The following NCOA5 variants were observed in gnomAD, a reference collection of about 807,000 sequenced individuals.
NCOA5 encodes nuclear receptor coactivator 5.
Under a neutral mutation model 59.0 loss-of-function variants are expected in NCOA5, and 12 were observed. The ratio of observed to expected loss-of-function variants is 0.20; its 90% CI spans 0.13 to 0.33. The LOEUF is 0.33. NCOA5 is among the 10% of genes least tolerant of loss of function. The pLI is 1.00. For missense variants in NCOA5, 655 were observed against 766.6 expected, an observed-to-expected ratio of 0.85 and a Z score of 1.72; for synonymous variants, 270 against 275.5, an observed-to-expected ratio of 0.98 and a Z score of 0.20.
intron 1 of NCOA5, among the ~76,000 whole-genome samples, chr20:46,080,806 T>TA (rs1004452141): frequency 4.3e-4 from 65 of 152,094 alleles, no homozygotes; most frequent in African/African-American, 1.2e-3. Context: ...CCTTCTATTT[T>TA]AAAAAAAACC....
chr20:46,066,407 A>T (rs2084823714), intron 5 of NCOA5, among the ~76,000 whole-genome samples: 2 of 152,160 alleles, frequency 1.3e-5, no homozygotes, highest in Admixed American at 6.5e-5. Flanking sequence ...AGTATTGGGC[A>T]TTTGGGTTGT....
chr20:46,079,692 TAAAC>T (rs749302506), intron 1 of NCOA5, among the ~76,000 whole-genome samples: 3 of 152,310 alleles, frequency 2.0e-5, no homozygotes, highest in Non-Finnish European at 4.4e-5. Context: ...TAATTTGTCT[TAAAC>T]TAATTACGTC....
chr20:46,080,304 T>C (rs1415453717), intron 1 of NCOA5, among the ~76,000 whole-genome samples: 1 of 152,130 alleles, frequency 6.6e-6, no homozygotes, highest in Non-Finnish European at 1.5e-5. Context: ...TACTAAGAAA[T>C]CTATGCCCCA....
At chr20:46,064,896 GTACTTAAGAGAGGGGCC>G in intron 6 of NCOA5, 116 bp downstream of exon 6, 2 of 802,990 alleles carry the variant, frequency 2.5e-6, no homozygotes. Context: ...CTCTTCCATG[GTACTTAAGAGAGGGGCC>G]CTACCATATA....
At chr20:46,084,649 T>C (rs2085027927) in intron 1 of NCOA5, among the ~76,000 whole-genome samples, 1 of 152,214 alleles carries the variant, frequency 6.6e-6, no homozygotes, top group South Asian at 2.1e-4. Flanking sequence ...GTCCTTACTT[T>C]GGGAAATTTA....
At chr20:46,078,694 T>C (rs2084963416) in intron 2 of NCOA5, among the ~76,000 whole-genome samples, 1 of 150,502 alleles carries the variant, frequency 6.6e-6, no homozygotes, top group African/African-American at 2.5e-5. Context: ...TTGGTGTAAA[T>C]GGTATCATTA....
At position 46,068,631 on chromosome 20, in the gene NCOA5, C is replaced by T. The variant is rs770077064; in HGVS notation, c.373G>A (p.Gly125Ser). 1 of 1,606,662 alleles carries T rather than the reference C, an allele frequency of 6.2e-7. No homozygotes were observed. The highest frequency in any genetic ancestry group is 1.3e-5 in the African/African-American group (1 of 74,404). Residue 125 changes from glycine (G) to serine (S), a missense_variant, in exon 4 of 8, where the codon GGC (glycine) becomes AGC (serine). Around this residue, in one of 3 missense-constraint regions of NCOA5, gnomAD observed 250 missense variants for 260.1 expected, o/e 0.96. Transcript: ENST00000290231. ...DSRDPMYRRE[G>S]SYDRYLRMDD... ...ATTCGTAGGTATCGGTCATAAGAGC[C>T]TTCTCTCCTGAAAAGTTAAGGAAAT...
rs754013482 is a variant in NCOA5, at chr20:46,062,669, G to A, written c.1371C>T (p.Ala457=). Residue 457 remains alanine (A), a synonymous_variant, in exon 8 of 8, where the codon GCC becomes GCT. Transcript: ENST00000290231. ...NSSSASPSVA[A]GNTPNQNFST... is the part of the protein sequence containing the mutation. The stretch of plus-strand genomic sequence containing the variant: ...AAAAATTCTGGTTTGGGGTGTTTCC[G>A]GCAGCAACCGAGGGGGATGCAGAGC... The A allele has an allele frequency of 1.1e-4, 184 of 1,614,132 alleles. 1 individual carries two copies. The highest frequency in any genetic ancestry group is 2.9e-4 in the East Asian group (13 of 44,876).
Position 46,079,464 on chromosome 20 carries a change from T to A in NCOA5, c.-29-11A>T. On this transcript the variant is annotated splice_polypyrimidine_tract_variant and intron_variant, in intron 1 of 7. Coordinates refer to ENST00000290231, the MANE Select transcript of NCOA5 (RefSeq NM_020967.3). Reference sequence around the variant, plus strand: ...CTGCCTTATTAATATCTGAAAAGAATAATCAACCCATCTGTTCAATGCTAC... The same window carrying A: ...CTGCCTTATTAATATCTGAAAAGAAAAATCAACCCATCTGTTCAATGCTAC... 1 of 1,599,234 alleles carries A rather than the reference T, an allele frequency of 6.3e-7. No individual in the cohort carries two copies. The highest frequency in any genetic ancestry group is 1.7e-5 in the Admixed American group (1 of 59,980).
chr20:46,075,159 G>C (rs1488837663), intron 2 of NCOA5, among the ~76,000 whole-genome samples: 3 of 152,228 alleles, frequency 2.0e-5, no homozygotes, highest in African/African-American at 7.2e-5. Context: ...GTGGAGGTAG[G>C]ATATGGACGT....
chr20:46,074,779 G>A (rs2084919557), intron 2 of NCOA5, among the ~76,000 whole-genome samples: 1 of 152,316 alleles, frequency 6.6e-6, no homozygotes, highest in East Asian at 1.9e-4. Flanking sequence ...GATCATCTTG[G>A]AAAACTGTGA....
Position 46,067,553 on chromosome 20 carries a change from C to T in NCOA5, c.503-372G>A, listed in dbSNP as rs558944711. Reference sequence around the variant, plus strand: ...ATAAGAATATTATTATTATTCTAATCTGCATTTTTGCTTTTTTTTTGGGGA... The same window carrying T: ...ATAAGAATATTATTATTATTCTAATTTGCATTTTTGCTTTTTTTTTGGGGA... On this transcript the variant is annotated intron_variant, in intron 4 of 7. Coordinates refer to ENST00000290231, the MANE Select transcript of NCOA5 (RefSeq NM_020967.3). 3.4e-3 allele frequency among the ~76,000 whole-genome samples: 509 copies of T among 149,278 alleles called. 3 individuals carry two copies. The highest frequency in any genetic ancestry group is 0.027 in the South Asian group (121 of 4,540).
Position 46,079,594 on chromosome 20 carries a change from T to C in NCOA5, c.-29-141A>G, listed in dbSNP as rs954767170. ...GAAAAGCCATTCAGCAGAGACACACTGTCACTTGGGCAATTTTTATTATTG... is the reference window on the plus strand; with the variant it reads ...GAAAAGCCATTCAGCAGAGACACACCGTCACTTGGGCAATTTTTATTATTG... On this transcript the variant is annotated intron_variant, in intron 1 of 7. Coordinates refer to ENST00000290231, the MANE Select transcript of NCOA5 (RefSeq NM_020967.3). The C allele has an allele frequency of 2.1e-5, 14 of 682,926 alleles. No individual in the cohort carries two copies. The African/African-American group carries it at 2.5e-4, about 12-fold the overall frequency. The allele number at this position is 682,926 out of a possible 1,614,324, so 42.3% of individuals were successfully genotyped here. A position where few individuals can be genotyped will look rare whatever the true frequency, so the allele number is the denominator to read the frequency against.
At chr20:46,076,167 GA>G (rs1568884425) in intron 2 of NCOA5, among the ~76,000 whole-genome samples, 1 of 152,112 alleles carries the variant, frequency 6.6e-6, no homozygotes, top group Non-Finnish European at 1.5e-5. Flanking sequence ...ATAACTTTAG[GA>G]AATATTTGCC....
chr20:46,068,105 A>ATT (rs556038899), intron 4 of NCOA5, among the ~76,000 whole-genome samples: 2 of 150,568 alleles, frequency 1.3e-5, no homozygotes, highest in African/African-American at 4.9e-5. Flanking sequence ...CAATTTTTGT[A>ATT]TTTTTTTTTG....
At chr20:46,063,858 T>C (rs2084794229) in intron 6 of NCOA5, among the ~76,000 whole-genome samples, 178 bp from the exon 7 acceptor site, 1 of 151,990 alleles carries the variant, frequency 6.6e-6, no homozygotes, top group Non-Finnish European at 1.5e-5. Context: ...GGAAGGGAAG[T>C]GAACGAACAC....
intron 2 of NCOA5, among the ~76,000 whole-genome samples, chr20:46,074,325 T>A (rs1236078830): frequency 6.6e-6 from 1 of 152,276 alleles, no homozygotes; most frequent in East Asian, 1.9e-4. Flanking sequence ...GGACCTCAGA[T>A]GATAAGTGGG....
chr20:46,079,529 C>A (rs1223591484), intron 1 of NCOA5, 76 bp from the exon 2 acceptor site: 3 of 1,218,444 alleles, frequency 2.5e-6, no homozygotes, highest in East Asian at 4.9e-5. Context: ...CAAATGAAAG[C>A]AACAACAACA....
rs996747915 is a variant in NCOA5 at position 46,063,542 on chromosome 20, T to G, written c.968A>C (p.Gln323Pro). 1 of 1,614,212 alleles carries G rather than the reference T, an allele frequency of 6.2e-7. No individual in the cohort carries two copies. Among genetic ancestry groups the G allele is most frequent in the East Asian group, 2.2e-5 (1 of 44,880 alleles). The change falls in exon 7 of 8, where the codon CAG (glutamine) becomes CCG (proline). Residue 323 changes from glutamine (Q) to proline (P), a missense_variant. Physicochemically the swap from Gln to Pro is moderately conservative, Grantham distance 76 (BLOSUM62 -1). Transcript: ENST00000290231. ...CTCAGGGCCTCCTCTCTCTCTTTCC[T>G]GCAGGATGGCTTCATCGGCCATCTT... is the stretch of plus-strand genomic sequence containing the variant. ...AAKMADEAIL[Q>P]ERERGGPEEG...
Sources: allele counts gnomAD v4.1 joint callset (sites outside exome capture counted in the v4.1 genomes callset), GRCh38; gene constraint gnomAD v4.1.1; regional missense constraint gnomAD v4.1.1; transcripts MANE v1.5; gene names NCBI Gene and HGNC (gene_info 2026-07-23, HGNC 2026-07-21).